Variants in COL27A1 observed in about 807,000 individuals in gnomAD.
The protein encoded by COL27A1 is collagen type XXVII alpha 1 chain.
COL27A1 carries 106 observed loss-of-function variants against 251.3 expected under a neutral mutation model. That is an observed-to-expected ratio of 0.42 (90% confidence interval 0.36 to 0.50). The LOEUF (loss-of-function observed/expected upper bound fraction) is 0.50. Among genes scored for constraint, COL27A1 ranks in the 20% least tolerant of loss-of-function variants. The pLI is 0.00. For synonymous variants in COL27A1, 1,000 were observed against 986.3 expected (o/e 1.01, Z -0.26); for missense variants, 2,325 against 2,522.8 (o/e 0.92, Z 1.68).
intron 7 of COL27A1, among the ~76,000 whole-genome samples, chr9:114,203,262 G>A (rs2567716): frequency 0.7 from 106,679 of 152,116 alleles, 37,734 homozygotes; most frequent in South Asian, 0.76. Context: ...AATGTTTATC[G>A]AATGAATGAA....
At chr9:114,196,171 G>A (rs1829109587) in intron 7 of COL27A1, among the ~76,000 whole-genome samples, 159 bp downstream of exon 7, 1 of 152,220 alleles carries the variant, frequency 6.6e-6, no homozygotes, top group Non-Finnish European at 1.5e-5. Flanking sequence ...CTTTCCAAGG[G>A]TTGTGCCTGT....
At chr9:114,160,250 G>A (rs1209776203) in intron 1 of COL27A1, among the ~76,000 whole-genome samples, 2 of 151,816 alleles carry the variant, frequency 1.3e-5, no homozygotes, top group African/African-American at 4.8e-5. Flanking sequence ...CGCCTCCTGG[G>A]TTCACGCCAT....
intron 24 of COL27A1, among the ~76,000 whole-genome samples, chr9:114,249,430 G>A (rs1833372554): frequency 6.6e-6 from 1 of 152,314 alleles, no homozygotes; most frequent in East Asian, 1.9e-4. Context: ...GTGCTGGGAT[G>A]TACGGGAGAT....
At chr9:114,232,021 C>G (rs896761592) in intron 16 of COL27A1, among the ~76,000 whole-genome samples, 155 bp downstream of exon 16, 1 of 152,184 alleles carries the variant, frequency 6.6e-6, no homozygotes, top group African/African-American at 2.4e-5. Context: ...CTAGCTTCTT[C>G]CTGGTCACTC....
intron 13 of COL27A1, 101 bp from the exon 14 acceptor site, chr9:114,222,122 C>A (rs1424494240): frequency 2.9e-6 from 3 of 1,052,254 alleles, no homozygotes; most frequent in South Asian, 1.3e-5. Context: ...GTGTTCAGCT[C>A]TGAAAGACCC....
chr9:114,176,028 A>G (rs1827410379), intron 3 of COL27A1, among the ~76,000 whole-genome samples: 1 of 152,208 alleles, frequency 6.6e-6, no homozygotes, highest in Non-Finnish European at 1.5e-5. Context: ...GTCACACTCA[A>G]CCAAGATTGT....
At chr9:114,213,554 A>G (rs1166499439) in intron 12 of COL27A1, among the ~76,000 whole-genome samples, 1 of 152,198 alleles carries the variant, frequency 6.6e-6, no homozygotes, top group Non-Finnish European at 1.5e-5. Flanking sequence ...ACAGACAAAA[A>G]TCTCTGTTGT....
At chr9:114,157,269 A>C (rs1488427523) in intron 1 of COL27A1, among the ~76,000 whole-genome samples, 1 of 152,198 alleles carries the variant, frequency 6.6e-6, no homozygotes, top group Non-Finnish European at 1.5e-5. Context: ...TCGGAGGCCC[A>C]GTCTCTGCCT....
chr9:114,283,577 C>T, intron 39 of COL27A1, 132 bp from the exon 40 acceptor site: 1 of 757,674 alleles, frequency 1.3e-6, no homozygotes, highest in South Asian at 1.7e-5. Context: ...GCCTTGTTCA[C>T]ACACTTTGGT....
At chr9:114,287,917 C>T (rs534768836) in intron 41 of COL27A1, among the ~76,000 whole-genome samples, 1 of 152,096 alleles carries the variant, frequency 6.6e-6, no homozygotes, top group East Asian at 1.9e-4. Context: ...CTTCACAGCA[C>T]TGCACTGCGG....
intron 48 of COL27A1, among the ~76,000 whole-genome samples, 172 bp downstream of exon 48, chr9:114,291,089 C>T (rs1827879799): frequency 6.6e-6 from 1 of 152,204 alleles, no homozygotes. Context: ...CAAGCTTGAA[C>T]CAGAATGATA....
chr9:114,257,957 G>A (rs1304010711), intron 27 of COL27A1, among the ~76,000 whole-genome samples: 1 of 152,126 alleles, frequency 6.6e-6, no homozygotes, highest in East Asian at 1.9e-4. Flanking sequence ...CAGCAATTTG[G>A]GAGGCTGAGG....
intron 23 of COL27A1, among the ~76,000 whole-genome samples, chr9:114,243,924 C>CTTTTTTTTTTTTT (rs1564515708): frequency 7.2e-6 from 1 of 138,082 alleles, no homozygotes. Context: ...TTTTTTCTTT[C>CTTTTTTTTTTTTT]ATTTTTTTTT....
At chr9:114,238,603 A>G (rs1832555088) in intron 19 of COL27A1, among the ~76,000 whole-genome samples, 1 of 152,232 alleles carries the variant, frequency 6.6e-6, no homozygotes, top group African/African-American at 2.4e-5. Flanking sequence ...CCTAAAAGCT[A>G]CAAGTTCTGA....
chr9:114,237,557 T>C, intron 18 of COL27A1, 105 bp from the exon 19 acceptor site: 1 of 946,786 alleles, frequency 1.1e-6, no homozygotes, highest in Non-Finnish European at 1.7e-6. Flanking sequence ...TTTATGCACA[T>C]GCTTCTGAAC....
Position 114,282,496 on chromosome 9 carries a change from G to A in COL27A1, c.3811G>A (p.Val1271Ile), listed in dbSNP as rs558210767. Residue 1271 changes from valine (V) to isoleucine (I), a missense_variant, in exon 39 of 61, where the codon GTC becomes ATC. By Grantham distance (29) the Val-to-Ile change is conservative (BLOSUM62 3). This residue lies in a region of COL27A1 where 662 missense variants were observed against 795.3 expected (regional missense o/e 0.83). Coordinates refer to ENST00000356083, the MANE Select transcript of COL27A1 (RefSeq NM_032888.4). ...GYQGQLGEMG[V>I]PGDPGPPGTP... is the part of the protein sequence containing the mutation. ...TCAAGGACAGCTGGGTGAGATGGGC[G>A]TCCCTGGAGACCCTGGACCCCCTGG... The A allele has an allele frequency of 5.5e-5, 88 of 1,589,958 alleles. No individual in the cohort carries two copies. Among genetic ancestry groups the A allele is most frequent in the African/African-American group, 2.1e-4 (16 of 74,570 alleles).
At chr9:114,257,216 G>T (rs1233799464) in intron 27 of COL27A1, among the ~76,000 whole-genome samples, 1 of 151,998 alleles carries the variant, frequency 6.6e-6, no homozygotes, top group Admixed American at 6.5e-5. Context: ...TCAGAGGAGG[G>T]ATGAGACTGG....
At chr9:114,198,169 C>T (rs904222669) in intron 7 of COL27A1, among the ~76,000 whole-genome samples, 1 of 152,196 alleles carries the variant, frequency 6.6e-6, no homozygotes, top group African/African-American at 2.4e-5. Flanking sequence ...CATTCTGAGG[C>T]AACACAGATA....
chr9:114,205,427 A>G (rs1829884749), intron 8 of COL27A1, among the ~76,000 whole-genome samples: 1 of 152,202 alleles, frequency 6.6e-6, no homozygotes, highest in East Asian at 1.9e-4. Flanking sequence ...GGGCGATGTT[A>G]GGGGATATTA....
Sources: allele counts gnomAD v4.1 joint callset (sites outside exome capture counted in the v4.1 genomes callset), GRCh38; gene constraint gnomAD v4.1.1; regional missense constraint gnomAD v4.1.1; transcripts MANE v1.5; gene names NCBI Gene and HGNC (gene_info 2026-07-23, HGNC 2026-07-21).